The following ZNHIT6 variants were observed in gnomAD, a reference collection of about 807,000 sequenced individuals.
The protein encoded by ZNHIT6 is box C/D snoRNA protein 1.
A neutral mutation model predicts 57.2 loss-of-function variants in ZNHIT6; 45 were observed. That is an observed-to-expected ratio of 0.79 (90% confidence interval 0.62 to 1.01). The LOEUF (loss-of-function observed/expected upper bound fraction) is 1.01. Among genes scored for constraint, ZNHIT6 ranks in the 50% least tolerant of loss-of-function variants. The pLI, the probability that ZNHIT6 is intolerant of heterozygous loss-of-function variation, is 0.00. For missense variants in ZNHIT6, 528 were observed against 567.3 expected (o/e 0.93, Z 0.70); for synonymous variants, 188 against 190.0 (o/e 0.99, Z 0.09).
intron 5 of ZNHIT6, among the ~76,000 whole-genome samples, chr1:85,682,768 A>T (rs1464864473): frequency 1.3e-5 from 2 of 152,196 alleles, no homozygotes; most frequent in African/African-American, 4.8e-5. Context: ...CACTCAATGC[A>T]CCCATATTCA....
At chr1:85,693,988 A>G (rs1344503788) in intron 5 of ZNHIT6, among the ~76,000 whole-genome samples, 1 of 152,208 alleles carries the variant, frequency 6.6e-6, no homozygotes, top group Non-Finnish European at 1.5e-5. Flanking sequence ...TAAACAAAAA[A>G]CAAAAGTAAG....
chr1:85,657,875 G>A lies in ZNHIT6; in HGVS notation c.1344C>T (p.Ser448=). Residue 448 remains serine, a synonymous_variant, in exon 9 of 10, where the codon TCC becomes TCT. Coordinates refer to ENST00000370574, the MANE Select transcript of ZNHIT6 (RefSeq NM_017953.4). ...YPTLHVVLKG[S]NNDMKVLHQV... Reference sequence around the variant, plus strand: ...GGTGAAGAACTTTCATGTCATTATTGGATCCTTTCAATACCACATGTAATG... The same window carrying A: ...GGTGAAGAACTTTCATGTCATTATTAGATCCTTTCAATACCACATGTAATG... The A allele has an allele frequency of 6.2e-7, 1 of 1,607,656 alleles. No homozygotes were observed. Among genetic ancestry groups the A allele is most frequent in the South Asian group, 1.1e-5 (1 of 89,310 alleles).
chr1:85,668,074 C>T (rs940720728), intron 8 of ZNHIT6, among the ~76,000 whole-genome samples: 8 of 145,218 alleles, frequency 5.5e-5, no homozygotes, highest in African/African-American at 1.8e-4. Context: ...TATGTTTATA[C>T]CTGACCTTCT....
At chr1:85,698,533 T>G (rs1265536663) in intron 5 of ZNHIT6, among the ~76,000 whole-genome samples, 1 of 152,180 alleles carries the variant, frequency 6.6e-6, no homozygotes, top group Non-Finnish European at 1.5e-5. Context: ...CAAAAGATTC[T>G]TCATTCAGAT....
rs761151210 is a variant in ZNHIT6, at chr1:85,706,158, G to T, written c.835C>A (p.Arg279=). The T allele has an allele frequency of 6.2e-7, 1 of 1,613,400 alleles. No individual in the cohort carries two copies. Among genetic ancestry groups the T allele is most frequent in the East Asian group, 2.2e-5 (1 of 44,836 alleles). ...FTEMNLLSDY[R]FLEDVARTAD... The stretch of plus-strand genomic sequence containing the variant: ...GTTCTTGCCACATCTTCCAAAAATC[G>T]ATAATCTAAAAATTTCAAAACAGAA... Residue 279 remains arginine, a synonymous_variant, in exon 4 of 10, where the codon CGA becomes AGA. Transcript: ENST00000370574.
chr1:85,701,573 T>C (rs1229750224), intron 5 of ZNHIT6, among the ~76,000 whole-genome samples: 3 of 152,178 alleles, frequency 2.0e-5, no homozygotes, highest in South Asian at 2.1e-4. Flanking sequence ...TTCTTCTACA[T>C]TGACAGCTTT....
chr1:85,670,663 T>G (rs2100664836), intron 8 of ZNHIT6, among the ~76,000 whole-genome samples: 1 of 152,298 alleles, frequency 6.6e-6, no homozygotes, highest in African/African-American at 2.4e-5. Context: ...TGCAAAACAC[T>G]TTTAAGGTTC....
chr1:85,668,590 C>T (rs1661453834), intron 8 of ZNHIT6, among the ~76,000 whole-genome samples: 1 of 152,118 alleles, frequency 6.6e-6, no homozygotes, highest in African/African-American at 2.4e-5. Flanking sequence ...TAATTCTGCA[C>T]TATTCTCAAA....
At chr1:85,676,796 G>GT (rs1661717190) in intron 8 of ZNHIT6, among the ~76,000 whole-genome samples, 1 of 152,186 alleles carries the variant, frequency 6.6e-6, no homozygotes, top group African/African-American at 2.4e-5. Context: ...AACAGATATA[G>GT]TGCTAACGAA....
chr1:85,701,927 T>C (rs1327474647), intron 5 of ZNHIT6, among the ~76,000 whole-genome samples: 1 of 125,828 alleles, frequency 7.9e-6, no homozygotes, highest in Non-Finnish European at 1.7e-5. Context: ...GAGAAGCTTC[T>C]CAAATGATAT....
chr1:85,659,364 T>C (rs1661163332), intron 8 of ZNHIT6, among the ~76,000 whole-genome samples: 1 of 152,214 alleles, frequency 6.6e-6, no homozygotes, highest in South Asian at 2.1e-4. Context: ...TGTCATTTCA[T>C]GTCAAAGAAG....
intron 5 of ZNHIT6, among the ~76,000 whole-genome samples, chr1:85,683,335 G>A (rs1261136401): frequency 1.3e-5 from 2 of 152,152 alleles, no homozygotes; most frequent in Non-Finnish European, 2.9e-5. Flanking sequence ...TGGCTCACAT[G>A]GTGAAACCCC....
intron 5 of ZNHIT6, among the ~76,000 whole-genome samples, chr1:85,698,499 T>C (rs1023861799): frequency 1.3e-5 from 2 of 152,284 alleles, no homozygotes; most frequent in African/African-American, 4.8e-5. Context: ...ATGTAGACTT[T>C]ATAGAAAAGT....
intron 5 of ZNHIT6, among the ~76,000 whole-genome samples, chr1:85,694,468 C>CT (rs67553129): frequency 0.99 from 146,773 of 148,672 alleles, 72,465 homozygotes; most frequent in East Asian, 1. Context: ...TTTCGTTTTT[C>CT]TTTTTTTTTT....
intron 4 of ZNHIT6, among the ~76,000 whole-genome samples, chr1:85,704,036 A>T (rs1304470762): frequency 4.6e-5 from 7 of 152,202 alleles, no homozygotes; most frequent in Admixed American, 3.9e-4. Flanking sequence ...GTTCAATCTC[A>T]TCAGGAATTA....
At chr1:85,669,328 C>T (rs553180096) in intron 8 of ZNHIT6, among the ~76,000 whole-genome samples, 1 of 152,142 alleles carries the variant, frequency 6.6e-6, no homozygotes, top group South Asian at 2.1e-4. Flanking sequence ...TACCTCTTCA[C>T]TTCACTGAAA....
rs192676533 is a variant in ZNHIT6, at chr1:85,695,369, T to A, written c.1019+6788A>T. 4.1e-3 allele frequency among the ~76,000 whole-genome samples: 620 copies of A among 152,044 alleles called. 5 individuals are homozygous for A. In the Middle Eastern group the frequency reaches 0.045, roughly 11 times the overall value. ...AATCTTAAAAAGGAGAACAAAATGA[T>A]CCTAAAAAGGTCTGAAAAAATGTTT... On this transcript the variant is annotated intron_variant, in intron 5 of 9. Coordinates refer to ENST00000370574, the MANE Select transcript of ZNHIT6 (RefSeq NM_017953.4).
intron 8 of ZNHIT6, among the ~76,000 whole-genome samples, chr1:85,660,359 A>C (rs377702869): frequency 6.6e-6 from 1 of 152,114 alleles, no homozygotes; most frequent in Non-Finnish European, 1.5e-5. Context: ...CAAATAAGGG[A>C]ATGTTTTTTA....
rs995166764 is a variant in ZNHIT6 at position 85,653,421 on chromosome 1, G to A, written c.*637C>T. The A allele has an allele frequency of 1.3e-5, 2 of 152,120 alleles. No individual in the cohort carries two copies. Among genetic ancestry groups the A allele is most frequent in the Admixed American group, 6.5e-5 (1 of 15,270 alleles). 9.4% of individuals were successfully genotyped at this position (152,120 alleles called of 1,614,324 possible). A position where few individuals can be genotyped will look rare whatever the true frequency, so the allele number is the denominator to read the frequency against. ...TTCTACTAAAGGGAATGCCAACTTT[G>A]TGGTTGACATGGGTGATCCTTGGGT... On this transcript the variant is annotated 3_prime_UTR_variant, in exon 10 of 10. Coordinates refer to ENST00000370574, the MANE Select transcript of ZNHIT6 (RefSeq NM_017953.4).
Sources: gnomAD v4.1 joint callset for allele counts (sites outside exome capture counted in the v4.1 genomes callset) on GRCh38, gnomAD v4.1.1 for gene constraint, MANE v1.5 for transcripts, NCBI Gene and HGNC (gene_info 2026-07-23, HGNC 2026-07-21) for gene names.